The following EXOC4 variants were observed in gnomAD, a reference collection of about 807,000 sequenced individuals.
EXOC4 encodes the protein SEC8-like 1.
Under a neutral mutation model 107.2 loss-of-function variants are expected in EXOC4, and 71 were observed. That is an observed-to-expected ratio of 0.66 (90% CI 0.55 to 0.81). The LOEUF is 0.81. Ranked by LOEUF, EXOC4 falls within the 30% of genes least tolerant of loss-of-function variation. The probability of loss-of-function intolerance (pLI) is 0.00; values close to 1 mark genes in which losing one functional copy is unlikely to be tolerated. For missense variants in EXOC4, 1,108 were observed against 1,189.6 expected (o/e 0.93, Z 1.01); for synonymous variants, 456 against 441.2 (o/e 1.03, Z -0.42).
At chr7:133,831,001 A>G (rs186730080) in intron 11 of EXOC4, among the ~76,000 whole-genome samples, 1,686 of 151,896 alleles carry the variant, frequency 0.011, 30 homozygotes, top group African/African-American at 0.033. Flanking sequence ...GTCTCGCTCT[A>G]TCGCCCAGGC....
chr7:134,090,564 G>T, the EXOC4 span, among the ~76,000 whole-genome samples: 1 of 152,156 alleles, frequency 6.6e-6, no homozygotes, highest in Non-Finnish European at 1.5e-5. Flanking sequence ...GGTTAGCATA[G>T]AGAGAGACAG....
In EXOC4 at chr7:134,001,687, G is replaced by C. The variant is rs368742488; in HGVS notation, c.2349-3225G>C. The stretch of plus-strand genomic sequence containing the variant: ...AGTGATCTTGCCAAAGCTCAGGTCT[G>C]ATTATATTATTCACTTAAAATCCCC... On this transcript the variant is annotated intron_variant, in intron 15 of 17. Transcript: ENST00000253861. Among the ~76,000 whole-genome samples, 3 of 152,218 alleles carry C rather than the reference G, an allele frequency of 2.0e-5. No homozygotes were observed. In the South Asian group the frequency reaches 6.2e-4, roughly 32 times the overall value.
Position 134,064,777 on chromosome 7 carries a change from G to A in EXOC4, c.*249G>A. ...TCTAACGGGACTAGGGTGGGATAGGGAGGAAGGTGGTATCAAATTGTTGGA... is the reference window on the plus strand; with the variant it reads ...TCTAACGGGACTAGGGTGGGATAGGAAGGAAGGTGGTATCAAATTGTTGGA... On this transcript the variant is annotated 3_prime_UTR_variant, in exon 18 of 18. Coordinates refer to ENST00000253861, the MANE Select transcript of EXOC4 (RefSeq NM_021807.4). 1 of 272,692 alleles carries A rather than the reference G, an allele frequency of 3.7e-6. No individual in the cohort carries two copies. Among genetic ancestry groups the A allele is most frequent in the Non-Finnish European group, 6.8e-6 (1 of 146,526 alleles). The allele number at this position is 272,692 out of a possible 1,614,324, so 16.9% of individuals were successfully genotyped here.
intron 7 of EXOC4, among the ~76,000 whole-genome samples, chr7:133,461,311 C>CT (rs1319440397): frequency 6.6e-6 from 1 of 152,134 alleles, no homozygotes; most frequent in African/African-American, 2.4e-5. Flanking sequence ...ATCTCCTGGT[C>CT]TTTACAATGT....
At chr7:133,613,102 GAT>G (rs1201243992) in intron 9 of EXOC4, among the ~76,000 whole-genome samples, 1 of 151,888 alleles carries the variant, frequency 6.6e-6, no homozygotes, top group African/African-American at 2.4e-5. Flanking sequence ...ATTAAAAAAA[GAT>G]ATGTCATGAA....
chr7:133,968,730 C>A (rs1301006306), intron 14 of EXOC4, among the ~76,000 whole-genome samples: 4 of 152,110 alleles, frequency 2.6e-5, no homozygotes, highest in Non-Finnish European at 5.9e-5. Flanking sequence ...TGATGGGCTT[C>A]CCTTTGTGGG....
In EXOC4 at chr7:133,817,521, G is replaced by T; in HGVS notation, c.1711G>T (p.Gly571Ter). Reference sequence around the variant, plus strand: ...CAACGCAGACACCATGAAGGTGCTGGGAGTGCAGCGGCCTCTCCTACAGGT... The same window carrying T: ...CAACGCAGACACCATGAAGGTGCTGTGAGTGCAGCGGCCTCTCCTACAGGT... The part of the protein sequence containing the change: ...LANADTMKVL[G>*]VQRPLLQSTI... Residue 571 changes from glycine to a stop codon, truncating the protein, a stop_gained, in exon 11 of 18, where the codon GGA becomes TGA. Transcript: ENST00000253861. LOFTEE classifies it high-confidence loss of function. 1 of 1,613,894 alleles carries T rather than the reference G, an allele frequency of 6.2e-7. No homozygotes were observed. The highest frequency in any genetic ancestry group is 8.5e-7 in the Non-Finnish European group (1 of 1,179,854).
intron 14 of EXOC4, among the ~76,000 whole-genome samples, chr7:133,974,121 T>G (rs1309787867): frequency 6.6e-6 from 1 of 152,184 alleles, no homozygotes. Flanking sequence ...CCATGCTTTT[T>G]GAGGGACACG....
At chr7:133,549,774 A>G (rs779684031) in intron 9 of EXOC4, among the ~76,000 whole-genome samples, 52 of 152,216 alleles carry the variant, frequency 3.4e-4, no homozygotes, top group Non-Finnish European at 2.5e-4. Flanking sequence ...GGACAGCACA[A>G]GAAATCTTGG....
At chr7:133,916,389 G>A (rs1461274996) in intron 12 of EXOC4, among the ~76,000 whole-genome samples, 1 of 152,178 alleles carries the variant, frequency 6.6e-6, no homozygotes, top group East Asian at 1.9e-4. Flanking sequence ...ATGAAACTAT[G>A]TTACCTTAAG....
intron 3 of EXOC4, among the ~76,000 whole-genome samples, chr7:133,300,972 G>A (rs1017723523): frequency 6.6e-6 from 1 of 152,144 alleles, no homozygotes; most frequent in African/African-American, 2.4e-5. Context: ...ATAAGATGTA[G>A]CAATGTAGAA....
chr7:133,526,087 G>A (rs1800073084), intron 9 of EXOC4, among the ~76,000 whole-genome samples: 1 of 152,150 alleles, frequency 6.6e-6, no homozygotes, highest in Admixed American at 6.5e-5. Context: ...TGAGGCTCCA[G>A]TATCTTTCAC....
rs34692720 is a variant in EXOC4, at chr7:133,389,895, C to CAAA, written c.1182+14907_1182+14909dup. Among the ~76,000 whole-genome samples, 245 of 129,596 alleles carry CAAA rather than the reference C, an allele frequency of 1.9e-3. 1 individual carries two copies. Among genetic ancestry groups the CAAA allele is most frequent in the African/African-American group, 6.3e-3 (219 of 34,752 alleles). 85.0% of individuals were successfully genotyped at this position (129,596 alleles called of 152,430 possible). On this transcript the variant is annotated intron_variant, in intron 7 of 17. Coordinates refer to ENST00000253861, the MANE Select transcript of EXOC4 (RefSeq NM_021807.4). Reference sequence around the variant, plus strand: ...ACATCTTACATGGATGGCAGCAGGCCAAAAAAAAAAAAAAAATGCATGTGC... The same window carrying CAAA: ...ACATCTTACATGGATGGCAGCAGGCCAAAAAAAAAAAAAAAAAAATGCATGTGC...
At chr7:133,808,572 A>G (rs1302362335) in intron 10 of EXOC4, among the ~76,000 whole-genome samples, 1 of 152,132 alleles carries the variant, frequency 6.6e-6, no homozygotes, top group Non-Finnish European at 1.5e-5. Flanking sequence ...TAAGAAATAT[A>G]TCTTAAAGGA....
chr7:134,001,202 T>C (rs1050515848), intron 15 of EXOC4, among the ~76,000 whole-genome samples: 1 of 152,140 alleles, frequency 6.6e-6, no homozygotes, highest in South Asian at 2.1e-4. Context: ...AAGTTGCCAT[T>C]TGAGTCCAAG....
At chr7:133,277,148 G>A (rs1794015059) in intron 2 of EXOC4, among the ~76,000 whole-genome samples, 2 of 152,036 alleles carry the variant, frequency 1.3e-5, no homozygotes, top group Admixed American at 1.3e-4. Flanking sequence ...TTTTTGAAAG[G>A]AATACTATAA....
At chr7:133,499,931 G>A (rs1799546540) in intron 9 of EXOC4, among the ~76,000 whole-genome samples, 1 of 151,892 alleles carries the variant, frequency 6.6e-6, no homozygotes, top group South Asian at 2.1e-4. Flanking sequence ...CCCAGTCTCG[G>A]GTATTTCTTG....
chr7:133,934,233 A>G (rs6954610), intron 13 of EXOC4, among the ~76,000 whole-genome samples: 94,558 of 152,062 alleles, frequency 0.62, 31,945 homozygotes, highest in African/African-American at 0.9. Context: ...ATCCCTTTAA[A>G]GTTATTCTAA....
intron 2 of EXOC4, among the ~76,000 whole-genome samples, chr7:133,281,782 A>C (rs1403993995): frequency 6.6e-6 from 1 of 151,162 alleles, no homozygotes; most frequent in Non-Finnish European, 1.5e-5. Flanking sequence ...GCTTACTGCA[A>C]CCTTCGCCTC....
Sources: gnomAD v4.1 joint callset for allele counts (sites outside exome capture counted in the v4.1 genomes callset) on GRCh38, gnomAD v4.1.1 for gene constraint, MANE v1.5 for transcripts, NCBI Gene and HGNC (gene_info 2026-07-23, HGNC 2026-07-21) for gene names.